Variants in THSD7B observed in about 807,000 individuals in gnomAD.
THSD7B encodes thrombospondin type-1 domain-containing protein 7B.
A neutral mutation model predicts 213.6 loss-of-function variants in THSD7B; 138 were observed. The observed-to-expected ratio is 0.65, with a 90% CI of 0.56 to 0.74. THSD7B has a LOEUF of 0.74. THSD7B is among the 30% of genes least tolerant of loss of function. THSD7B has a pLI of 0.00. For missense variants in THSD7B, 1,931 were observed against 1,991.5 expected, an observed-to-expected ratio of 0.97 and a Z score of 0.58; for synonymous variants, 742 against 687.0, an observed-to-expected ratio of 1.08 and a Z score of -1.25.
At chr2:136,878,757 G>T (rs1296513586) in intron 1 of THSD7B, among the ~76,000 whole-genome samples, 1 of 152,116 alleles carries the variant, frequency 6.6e-6, no homozygotes, top group East Asian at 1.9e-4. Context: ...ACTTGTTAAT[G>T]GGGTTGTTTG....
intron 15 of THSD7B, among the ~76,000 whole-genome samples, chr2:137,549,308 CTCTTTTTTTTTTTTT>C (rs1234688558): frequency 4.0e-5 from 4 of 100,178 alleles, no homozygotes; most frequent in Non-Finnish European, 7.6e-5. Flanking sequence ...TTTTCAGATG[CTCTTTTTTTTTTTTT>C]TTTTTTTTTT....
chr2:137,073,743 C>T (rs1005502336), intron 3 of THSD7B, among the ~76,000 whole-genome samples: 1 of 152,176 alleles, frequency 6.6e-6, no homozygotes, highest in Non-Finnish European at 1.5e-5. Flanking sequence ...TTTCCCTCTA[C>T]ACACTGCTTT....
chr2:137,004,878 T>A lies in THSD7B; in HGVS notation c.140-51542T>A, dbSNP rs1485995692. The stretch of plus-strand genomic sequence containing the variant: ...TAAAATATATTTTACCTTCCTTAGA[T>A]CACTTCTGTTCTAAATAACTATGAA... On this transcript the variant is annotated intron_variant, in intron 2 of 27. Coordinates refer to ENST00000409968, the MANE Select transcript of THSD7B (RefSeq NM_001316349.2). Among the ~76,000 whole-genome samples the A allele has an allele frequency of 2.0e-5, 3 of 152,348 alleles. No individual in the cohort carries two copies. The South Asian group carries it at 6.2e-4, about 32-fold the overall frequency.
intron 12 of THSD7B, among the ~76,000 whole-genome samples, chr2:137,381,279 C>T (rs1215231382): frequency 6.6e-6 from 1 of 152,186 alleles, no homozygotes; most frequent in African/African-American, 2.4e-5. Flanking sequence ...CAGCTAGAAG[C>T]AGAGAGCACC....
At chr2:137,571,222 T>C (rs909150012) in intron 16 of THSD7B, among the ~76,000 whole-genome samples, 5 of 152,230 alleles carry the variant, frequency 3.3e-5, no homozygotes, top group African/African-American at 9.6e-5. Context: ...ATGTACTCTT[T>C]TGTGTCTAGC....
chr2:137,080,037 T>G (rs745614295), intron 3 of THSD7B, among the ~76,000 whole-genome samples: 2 of 152,266 alleles, frequency 1.3e-5, no homozygotes, highest in Non-Finnish European at 2.9e-5. Context: ...AGAAGACGTT[T>G]CACCATGTTG....
At chr2:137,057,266 A>G (rs575553085) in intron 3 of THSD7B, 36 bp downstream of exon 3, 3 of 1,506,500 alleles carry the variant, frequency 2.0e-6, no homozygotes, top group East Asian at 2.3e-5. Context: ...TGATTCACCT[A>G]AAATATTTTA....
chr2:137,495,175 G>T lies in THSD7B; in HGVS notation c.3138+44152G>T, dbSNP rs545460578. 9.8e-4 allele frequency among the ~76,000 whole-genome samples: 149 copies of T among 152,054 alleles called. 3 individuals carry two copies. The South Asian group carries it at 0.026, about 27-fold the overall frequency. On this transcript the variant is annotated intron_variant, in intron 15 of 27. Coordinates refer to ENST00000409968, the MANE Select transcript of THSD7B (RefSeq NM_001316349.2). Reference sequence around the variant, plus strand: ...TGGATTATTTTTTTTCTATTTAGTGGTTCCTGATGAAAATGCATAATAACT... The same window carrying T: ...TGGATTATTTTTTTTCTATTTAGTGTTTCCTGATGAAAATGCATAATAACT...
chr2:137,038,094 A>G (rs1292419434), intron 2 of THSD7B, among the ~76,000 whole-genome samples: 2 of 152,126 alleles, frequency 1.3e-5, no homozygotes, highest in Non-Finnish European at 2.9e-5. Context: ...GTTTTTCCTT[A>G]TTATGCATTT....
At chr2:137,085,390 A>C (rs1251985569) in intron 3 of THSD7B, among the ~76,000 whole-genome samples, 4 of 152,304 alleles carry the variant, frequency 2.6e-5, no homozygotes, top group South Asian at 2.1e-4. Context: ...ACTAAGAATA[A>C]AATGAGATAA....
intron 7 of THSD7B, among the ~76,000 whole-genome samples, chr2:137,213,653 C>T (rs1681172062): frequency 6.6e-6 from 1 of 151,832 alleles, no homozygotes; most frequent in Admixed American, 6.6e-5. Context: ...ATCCCCTTAT[C>T]CCTAGTATTC....
At chr2:137,381,610 C>T (rs542158754) in intron 12 of THSD7B, among the ~76,000 whole-genome samples, 8 of 152,274 alleles carry the variant, frequency 5.3e-5, no homozygotes, top group South Asian at 2.1e-4. Context: ...GCCCCACCTG[C>T]GGGGGCCTCC....
At chr2:136,921,008 G>A (rs1029755503) in intron 2 of THSD7B, among the ~76,000 whole-genome samples, 24 of 152,048 alleles carry the variant, frequency 1.6e-4, no homozygotes, top group Admixed American at 6.5e-5. Context: ...GAGAGCCCAG[G>A]GATGCCAGGG....
chr2:137,324,498 A>C (rs1261139335), intron 12 of THSD7B, among the ~76,000 whole-genome samples: 1 of 152,146 alleles, frequency 6.6e-6, no homozygotes, highest in African/African-American at 2.4e-5. Flanking sequence ...TTTGAATTTT[A>C]CTAGGCATCT....
At chr2:137,662,011 G>C (rs1440397804) in intron 25 of THSD7B, among the ~76,000 whole-genome samples, 3 of 151,422 alleles carry the variant, frequency 2.0e-5, no homozygotes, top group African/African-American at 7.3e-5. Flanking sequence ...CCCAGCTCCT[G>C]AGATTTTATT....
At chr2:137,448,497 A>G (rs1274036300) in intron 14 of THSD7B, among the ~76,000 whole-genome samples, 1 of 152,208 alleles carries the variant, frequency 6.6e-6, no homozygotes, top group Admixed American at 6.5e-5. Context: ...CCTCAGAATC[A>G]TCTGAATGTG....
intron 15 of THSD7B, among the ~76,000 whole-genome samples, chr2:137,536,680 A>G (rs1680513388): frequency 6.6e-6 from 1 of 151,698 alleles, no homozygotes; most frequent in African/African-American, 2.4e-5. Context: ...AAGATTTAAA[A>G]AAAAAAGACA....
intron 20 of THSD7B, among the ~76,000 whole-genome samples, chr2:137,633,290 T>C (rs889103769): frequency 6.6e-6 from 1 of 152,182 alleles, no homozygotes; most frequent in Non-Finnish European, 1.5e-5. Context: ...ACAACCTGAT[T>C]TTCTACTGCT....
At chr2:137,367,647 C>A (rs1440147783) in intron 12 of THSD7B, among the ~76,000 whole-genome samples, 2 of 152,048 alleles carry the variant, frequency 1.3e-5, no homozygotes, top group Non-Finnish European at 2.9e-5. Flanking sequence ...GACTGAGTGG[C>A]AAAAACAACA....
Sources: allele counts gnomAD v4.1 joint callset (sites outside exome capture counted in the v4.1 genomes callset), GRCh38; gene constraint gnomAD v4.1.1; transcripts MANE v1.5; gene names NCBI Gene and HGNC (gene_info 2026-07-23, HGNC 2026-07-21).